Variants in SLC36A1 observed in about 807,000 individuals in gnomAD.
The protein encoded by SLC36A1 is solute carrier family 36 member 1, also known as proton-coupled amino acid transporter 1.
SLC36A1 carries 30 observed loss-of-function variants against 47.5 expected under a neutral mutation model. The ratio of observed to expected loss-of-function variants is 0.63; its 90% CI spans 0.47 to 0.86. The LOEUF is 0.86. Among genes scored for constraint, SLC36A1 ranks in the 40% least tolerant of loss-of-function variants. SLC36A1 has a pLI of 0.00. For missense variants in SLC36A1, 517 were observed against 606.0 expected, an observed-to-expected ratio of 0.85 and a Z score of 1.54; for synonymous variants, 255 against 249.7, an observed-to-expected ratio of 1.02 and a Z score of -0.20.
At chr5:151,551,539 A>T in the SLC36A1 span, 1 of 1,614,222 alleles carries the variant, frequency 6.2e-7, no homozygotes, top group Non-Finnish European at 8.5e-7. Context: ...TCCTGGTATC[A>T]AGAGGCCTGG....
chr5:151,504,403 C>G, the SLC36A1 span: 3 of 152,710 alleles, frequency 2.0e-5, no homozygotes, highest in Admixed American at 6.5e-5. Flanking sequence ...TGGCTACATA[C>G]ACTCTACACA....
At chr5:151,525,917 G>A in the SLC36A1 span, 8 of 1,614,050 alleles carry the variant, frequency 5.0e-6, no homozygotes, top group African/African-American at 8.0e-5. Context: ...GGAGAATCTG[G>A]GTCACTCAGG....
the SLC36A1 span, among the ~76,000 whole-genome samples, chr5:151,381,612 A>G: frequency 6.6e-5 from 10 of 152,248 alleles, no homozygotes; most frequent in African/African-American, 2.4e-4. Flanking sequence ...TGGTCCTAAG[A>G]TCAGTTCTTG....
the SLC36A1 span, chr5:151,510,098 G>C: frequency 6.2e-7 from 1 of 1,614,206 alleles, no homozygotes; most frequent in Non-Finnish European, 8.5e-7. Context: ...CTTCCAGGCA[G>C]GGTGCAAAAG....
the SLC36A1 span, chr5:151,540,883 TCC>T: frequency 1.1e-6 from 1 of 888,824 alleles, no homozygotes; most frequent in East Asian, 2.8e-5. Context: ...AACATTTCCT[TCC>T]TTAACTAGGA....
At chr5:151,396,250 C>A in the SLC36A1 span, among the ~76,000 whole-genome samples, 2 of 151,964 alleles carry the variant, frequency 1.3e-5, no homozygotes, top group Admixed American at 1.3e-4. Flanking sequence ...GTAGCTGGGA[C>A]TGCATGTGTG....
intron 8 of SLC36A1, 60 bp from the exon 9 acceptor site, chr5:151,476,530 C>A: frequency 1.6e-6 from 2 of 1,242,558 alleles, no homozygotes; most frequent in South Asian, 2.2e-5. Context: ...TTTTTTTTTT[C>A]TTGGCCATTA....
chr5:151,365,544 A>T, the SLC36A1 span, among the ~76,000 whole-genome samples: 25,942 of 152,166 alleles, frequency 0.17, 6,388 homozygotes, highest in African/African-American at 0.55. Context: ...GAAAGTGTCC[A>T]CAGAGGTCAT....
At chr5:151,385,906 C>T in the SLC36A1 span, among the ~76,000 whole-genome samples, 1 of 143,738 alleles carries the variant, frequency 7.0e-6, no homozygotes, top group Non-Finnish European at 1.5e-5. Flanking sequence ...GAGTCTTGCA[C>T]TGTCTCCCGG....
chr5:151,464,502 A>G lies in SLC36A1; in HGVS notation c.235-12A>G, dbSNP rs1756044868. The stretch of plus-strand genomic sequence containing the variant: ...TTTCTCTCTCTCTTTTGCCTGCAAT[A>G]TCTGTCCCCAGATGGGTCCCATCAG... On this transcript the variant is annotated splice_polypyrimidine_tract_variant and intron_variant, in intron 3 of 10. Transcript: ENST00000243389. 5 of 1,611,776 alleles carry G rather than the reference A, an allele frequency of 3.1e-6. No individual in the cohort carries two copies. The highest frequency in any genetic ancestry group is 4.2e-6 in the Non-Finnish European group (5 of 1,178,604).
intron 6 of SLC36A1, 85 bp from the exon 7 acceptor site, chr5:151,467,622 T>A: frequency 1.7e-6 from 2 of 1,178,616 alleles, no homozygotes; most frequent in South Asian, 2.6e-5. Flanking sequence ...CCTGAGCCTT[T>A]CCTCAGGAAC....
the SLC36A1 span, among the ~76,000 whole-genome samples, chr5:151,514,230 G>T: frequency 6.6e-6 from 1 of 152,006 alleles, no homozygotes; most frequent in African/African-American, 2.4e-5. Flanking sequence ...TAAGAAAGGG[G>T]GATAACAAAA....
chr5:151,374,855 G>T, the SLC36A1 span, among the ~76,000 whole-genome samples: 2 of 150,180 alleles, frequency 1.3e-5, no homozygotes, highest in Non-Finnish European at 3.0e-5. Flanking sequence ...TTCATATTAA[G>T]AAATGTCTAC....
chr5:151,457,858 T>G (rs1305853713), intron 1 of SLC36A1, among the ~76,000 whole-genome samples: 1 of 151,520 alleles, frequency 6.6e-6, no homozygotes, highest in Non-Finnish European at 1.5e-5. Context: ...TTGTTTGTTT[T>G]TTTTTTTGAG....
the SLC36A1 span, among the ~76,000 whole-genome samples, chr5:151,526,472 C>T: frequency 6.6e-6 from 1 of 152,142 alleles, no homozygotes; most frequent in Non-Finnish European, 1.5e-5. Context: ...TCATTTTAGC[C>T]TTTGTTGTAT....
chr5:151,459,152 C>G (rs1476583255), intron 2 of SLC36A1, among the ~76,000 whole-genome samples: 2 of 152,184 alleles, frequency 1.3e-5, no homozygotes, highest in Non-Finnish European at 2.9e-5. Flanking sequence ...TGTTGGCCCC[C>G]CAAGGCTGGT....
chr5:151,381,016 T>C, the SLC36A1 span: 1 of 395,914 alleles, frequency 2.5e-6, no homozygotes, highest in South Asian at 2.2e-5. Flanking sequence ...CAGACTATGC[T>C]CTCTTGTTGA....
the SLC36A1 span, among the ~76,000 whole-genome samples, chr5:151,394,473 G>C: frequency 6.6e-6 from 1 of 152,244 alleles, no homozygotes; most frequent in Non-Finnish European, 1.5e-5. Context: ...GAGAGGGAGA[G>C]GCTCTCTGAT....
the SLC36A1 span, among the ~76,000 whole-genome samples, chr5:151,537,324 AAAAAGAAAG>A: frequency 1.9e-4 from 2 of 10,304 alleles, no homozygotes; most frequent in Non-Finnish European, 3.3e-4. Flanking sequence ...AGAAAGAGAA[AAAAAGAAAG>A]AAAAGAAAAG....
Sources: gnomAD v4.1 joint callset for allele counts (sites outside exome capture counted in the v4.1 genomes callset) on GRCh38, gnomAD v4.1.1 for gene constraint, MANE v1.5 for transcripts, NCBI Gene and HGNC (gene_info 2026-07-23, HGNC 2026-07-21) for gene names.